The following CACNA1C variants were observed in gnomAD, a reference collection of about 807,000 sequenced individuals.
CACNA1C encodes calcium voltage-gated channel subunit alpha1 C, also known as voltage-dependent L-type calcium channel subunit alpha-1C.
A neutral mutation model predicts 229.0 loss-of-function variants in CACNA1C; 30 were observed. The observed-to-expected ratio is 0.13, with a 90% CI of 0.10 to 0.18. The LOEUF (loss-of-function observed/expected upper bound fraction) is 0.18, where lower values mean the gene tolerates loss of function less well. CACNA1C is among the 10% of genes least tolerant of loss of function. CACNA1C has a pLI of 1.00. For missense variants in CACNA1C, 1,658 were observed against 2,845.0 expected (o/e 0.58, Z 9.49); for synonymous variants, 1,114 against 1,132.5 (o/e 0.98, Z 0.33).
At chr12:2,351,635 C>T (rs1002671640) in intron 3 of CACNA1C, among the ~76,000 whole-genome samples, 3 of 152,204 alleles carry the variant, frequency 2.0e-5, no homozygotes, top group African/African-American at 7.2e-5. Context: ...TAAGGTCTTT[C>T]CCACTTGTCC....
chr12:1,970,915 C>T (rs1459395895), exon 1 of CACNA1C: 3 of 331,110 alleles, frequency 9.1e-6, no homozygotes, highest in Admixed American at 8.5e-5. Flanking sequence ...AAACTTGCAG[C>T]GATACGATAC....
In CACNA1C at chr12:2,677,699, G is replaced by A. The variant is rs1311477656; in HGVS notation, c.4957-34G>A. On this transcript the variant is annotated intron_variant, in intron 40 of 46. Transcript: ENST00000399655. The surrounding 1 kb of genome is among the most constrained non-coding windows in gnomAD (Gnocchi z 7.4). ...GGCTGGGGAGCTTGGAGGAAAGGGA[G>A]CGTGGTCCTCACCATCCTCCCCTTG... is the stretch of plus-strand genomic sequence containing the variant. The A allele has an allele frequency of 1.9e-6, 3 of 1,600,680 alleles. No homozygotes were observed. Among genetic ancestry groups the A allele is most frequent in the South Asian group, 2.2e-5 (2 of 88,950 alleles).
At chr12:2,130,280 A>G (rs2091872299) in intron 3 of CACNA1C, among the ~76,000 whole-genome samples, 1 of 144,910 alleles carries the variant, frequency 6.9e-6, no homozygotes, top group Non-Finnish European at 1.5e-5. Flanking sequence ...TAGCAAATAC[A>G]TTTAAATATC....
chr12:2,697,125 T>G lies in CACNA1C; in HGVS notation c.*5926T>G, dbSNP rs1433978549. 1.3e-5 allele frequency: 2 copies of G among 152,462 alleles called. No individual in the cohort carries two copies. Among genetic ancestry groups the G allele is most frequent in the African/African-American group, 4.8e-5 (2 of 41,450 alleles). 9.4% of individuals were successfully genotyped at this position (152,462 alleles called of 1,614,324 possible). On this transcript the variant is annotated 3_prime_UTR_variant, in exon 47 of 47. Transcript: ENST00000399655. ...GCATCCCAAAGCTGTGCGCACCTTC[T>G]CTTTTCCTGCCTCAGGCCACCTATG...
intron 1 of CACNA1C, among the ~76,000 whole-genome samples, chr12:1,973,233 C>T (rs1196556384): frequency 6.6e-6 from 1 of 152,122 alleles, no homozygotes; most frequent in East Asian, 1.9e-4. Context: ...TTTTACTGCA[C>T]CTCACAAATC....
intron 3 of CACNA1C, among the ~76,000 whole-genome samples, chr12:2,259,378 G>C (rs2079181881): frequency 6.6e-6 from 1 of 152,224 alleles, no homozygotes; most frequent in Admixed American, 6.5e-5. Flanking sequence ...TCATAACTAA[G>C]TAGTTAAAAC....
chr12:2,170,398 C>T (rs1172301129), intron 3 of CACNA1C, among the ~76,000 whole-genome samples: 1 of 152,164 alleles, frequency 6.6e-6, no homozygotes, highest in Non-Finnish European at 1.5e-5. Context: ...AGACCTTAAG[C>T]ATGACCTAAA....
At chr12:2,364,511 G>A (rs2097669575) in intron 3 of CACNA1C, among the ~76,000 whole-genome samples, 1 of 152,174 alleles carries the variant, frequency 6.6e-6, no homozygotes, top group Non-Finnish European at 1.5e-5. Context: ...TTGTGGAAAT[G>A]TGACTTCTTA....
chr12:2,245,288 C>G (rs1050983721), intron 3 of CACNA1C, among the ~76,000 whole-genome samples: 3 of 152,180 alleles, frequency 2.0e-5, no homozygotes, highest in Non-Finnish European at 4.4e-5. Context: ...CTTAGCTGAG[C>G]CATTCTCAGC....
chr12:2,186,009 T>C (rs2096989781), intron 3 of CACNA1C, among the ~76,000 whole-genome samples: 1 of 152,156 alleles, frequency 6.6e-6, no homozygotes, highest in Non-Finnish European at 1.5e-5. Flanking sequence ...TCCTGGCCGC[T>C]CTCTGGCTCC....
intron 29 of CACNA1C, among the ~76,000 whole-genome samples, chr12:2,626,249 C>A (rs1311266342): frequency 6.6e-6 from 1 of 152,194 alleles, no homozygotes; most frequent in East Asian, 1.9e-4. Flanking sequence ...CAGGAGCACT[C>A]GCCCACTAGG....
At chr12:2,251,717 G>T (rs1473875103) in intron 3 of CACNA1C, among the ~76,000 whole-genome samples, 1 of 152,198 alleles carries the variant, frequency 6.6e-6, no homozygotes, top group Non-Finnish European at 1.5e-5. Context: ...AAAATAATCA[G>T]AAACAGCTGC....
At chr12:2,379,172 A>G (rs2098163882) in intron 3 of CACNA1C, among the ~76,000 whole-genome samples, 1 of 152,192 alleles carries the variant, frequency 6.6e-6, no homozygotes, top group African/African-American at 2.4e-5. Flanking sequence ...GTGGCAGGGC[A>G]GGGAGGCACA....
Position 2,680,621 on chromosome 12 carries a change from A to G in CACNA1C, c.5444+825A>G, listed in dbSNP as rs12299577. ...CCAGCTCAGAAAATAATAGAGAAGT[A>G]GCAGCTTCCCTCTAAACCCCTGGAA... On this transcript the variant is annotated intron_variant, in intron 42 of 46. Coordinates refer to ENST00000399655, the MANE Select transcript of CACNA1C (RefSeq NM_000719.7). 0.073 allele frequency: 107,604 copies of G among 1,479,314 alleles called. 8,674 individuals are homozygous for G. Among genetic ancestry groups the G allele is most frequent in the African/African-American group, 0.39 (27,597 of 71,486 alleles). 91.6% of individuals were successfully genotyped at this position (1,479,314 alleles called of 1,614,324 possible).
In CACNA1C at chr12:2,679,725, G is replaced by A. The variant is rs779212205; in HGVS notation, c.5373G>A (p.Val1791=). 2 of 1,606,720 alleles carry A rather than the reference G, an allele frequency of 1.2e-6. No individual in the cohort carries two copies. The highest frequency in any genetic ancestry group is 2.2e-5 in the South Asian group (2 of 89,856). The change falls in exon 42 of 47, where the codon GTG becomes GTA. Residue 1791 remains valine (V), a synonymous_variant. Transcript: ENST00000399655. This position sits in a 1 kb window ranked among gnomAD's most constrained non-coding sequence, Gnocchi z 5.5. ...PAGYPSTVST[V]EGHGPPLSPA... Reference sequence around the variant, plus strand: ...GCTACCCCAGCACGGTCAGCACTGTGGAGGGCCACGGGCCCCCCTTGTCCC... The same window carrying A: ...GCTACCCCAGCACGGTCAGCACTGTAGAGGGCCACGGGCCCCCCTTGTCCC...
intron 1 of CACNA1C, among the ~76,000 whole-genome samples, chr12:2,095,283 A>G (rs908823176): frequency 2.0e-5 from 3 of 152,188 alleles, no homozygotes; most frequent in Non-Finnish European, 2.9e-5. Context: ...AATTTGTCTT[A>G]AAGGTTATGA....
chr12:2,462,202 G>A (rs571924207), intron 5 of CACNA1C, among the ~76,000 whole-genome samples: 18 of 151,896 alleles, frequency 1.2e-4, no homozygotes, highest in African/African-American at 4.1e-4. Context: ...GAACGCCCTC[G>A]GCTCAGCTCT....
At chr12:2,277,283 A>G (rs993576783) in intron 3 of CACNA1C, among the ~76,000 whole-genome samples, 4 of 151,322 alleles carry the variant, frequency 2.6e-5, no homozygotes, top group Non-Finnish European at 4.4e-5. Context: ...GTTTCTAGCA[A>G]CTCATGTCCT....
At chr12:2,120,231 T>A in intron 2 of CACNA1C, 94 bp from the exon 3 acceptor site, 1 of 779,610 alleles carries the variant, frequency 1.3e-6, no homozygotes, top group Middle Eastern at 3.1e-4. Context: ...AACAAAATTC[T>A]TATGAATCTT....
Sources: gnomAD v4.1 joint callset for allele counts (sites outside exome capture counted in the v4.1 genomes callset) on GRCh38, gnomAD v4.1.1 for gene constraint, Gnocchi (gnomAD v3.1) non-coding constraint, MANE v1.5 for transcripts, NCBI Gene and HGNC (gene_info 2026-07-23, HGNC 2026-07-21) for gene names.